Variants in PCDHGB2 observed in about 807,000 individuals in gnomAD.
The protein encoded by PCDHGB2 is protocadherin gamma subfamily B, 2.
PCDHGB2 carries 55 observed loss-of-function variants against 59.3 expected under a neutral mutation model. The observed-to-expected ratio is 0.93, with a 90% CI of 0.75 to 1.16. PCDHGB2 has a LOEUF of 1.16. Among genes scored for constraint, PCDHGB2 ranks in the 50% most tolerant of loss-of-function variants. The pLI is 0.00. For synonymous variants in PCDHGB2, 516 were observed against 512.0 expected, an observed-to-expected ratio of 1.01 and a Z score of -0.11; for missense variants, 1,228 against 1,198.5, an observed-to-expected ratio of 1.02 and a Z score of -0.36.
In PCDHGB2 at chr5:141,485,632, G is replaced by A. The variant is rs1335265010; in HGVS notation, c.2422-9175G>A. On this transcript the variant is annotated intron_variant, in intron 1 of 3. Transcript: ENST00000522605. This position sits in a 1 kb window ranked among gnomAD's most constrained non-coding sequence, Gnocchi z 5.7. ...CAGCTCCTCCAGGACAGCGTTTCCCGTTGGAAAAGGCTCAGGATGCAGATG... is the reference window on the plus strand; with the variant it reads ...CAGCTCCTCCAGGACAGCGTTTCCCATTGGAAAAGGCTCAGGATGCAGATG... 1.2e-6 allele frequency: 2 copies of A among 1,611,766 alleles called. No homozygotes were observed. The highest frequency in any genetic ancestry group is 1.7e-6 in the Non-Finnish European group (2 of 1,178,342).
At chr5:141,371,602 G>A in intron 1 of PCDHGB2, 1 of 1,613,990 alleles carries the variant, frequency 6.2e-7, no homozygotes, top group East Asian at 2.2e-5. Context: ...AACACATACA[G>A]GTTGGTGACA....
intron 1 of PCDHGB2, chr5:141,388,717 C>T (rs544297444): frequency 2.5e-6 from 4 of 1,614,022 alleles, no homozygotes; most frequent in Non-Finnish European, 3.4e-6. Context: ...GCCGAGATTA[C>T]TTTCTCTTTC....
chr5:141,430,944 G>C (rs1417018095), intron 1 of PCDHGB2: 1 of 1,609,214 alleles, frequency 6.2e-7, no homozygotes, highest in Non-Finnish European at 8.5e-7. Flanking sequence ...CTCGCGGAGC[G>C]CGGAGTCCGC....
intron 1 of PCDHGB2, chr5:141,366,795 T>A (rs1054610187): frequency 3.2e-6 from 5 of 1,567,382 alleles, no homozygotes; most frequent in Non-Finnish European, 4.3e-6. Flanking sequence ...CATTTTCATT[T>A]GTTTCCTTTT....
At position 141,486,927 on chromosome 5, in the gene PCDHGB2, G is replaced by A; in HGVS notation, c.2422-7880G>A. ...CCCCAAGCACTGCCTCCATCAGTTG[G>A]TGCTGGCCACCTAATCACAAAGGTG... On this transcript the variant is annotated intron_variant, in intron 1 of 3. Transcript: ENST00000522605. The surrounding 1 kb of genome is among the most constrained non-coding windows in gnomAD (Gnocchi z 5.0). 4 of 1,614,226 alleles carry A rather than the reference G, an allele frequency of 2.5e-6. No individual in the cohort carries two copies. Among genetic ancestry groups the A allele is most frequent in the Non-Finnish European group, 3.4e-6 (4 of 1,180,046 alleles).
chr5:141,434,026 A>G (rs2154556044), intron 1 of PCDHGB2, among the ~76,000 whole-genome samples: 1 of 152,236 alleles, frequency 6.6e-6, no homozygotes, highest in Admixed American at 6.5e-5. Flanking sequence ...TGATTCTGGA[A>G]GCATGGTTTT....
chr5:141,475,708 C>G (rs2099367415), intron 1 of PCDHGB2, among the ~76,000 whole-genome samples: 1 of 152,238 alleles, frequency 6.6e-6, no homozygotes, highest in African/African-American at 2.4e-5. Flanking sequence ...AACGGCTAGC[C>G]TCACAGCCCC....
intron 1 of PCDHGB2, chr5:141,441,674 CT>C: frequency 3.4e-6 from 1 of 293,692 alleles, no homozygotes; most frequent in Non-Finnish European, 6.7e-6. Flanking sequence ...CACAGTGCGC[CT>C]TCGACCAAGA....
chr5:141,388,892 A>G (rs1370408221), intron 1 of PCDHGB2: 1 of 1,613,996 alleles, frequency 6.2e-7, no homozygotes, highest in Non-Finnish European at 8.5e-7. Context: ...TAGAAGTCAT[A>G]GATGAAAATG....
At chr5:141,505,044 C>G (rs1446394128) in intron 2 of PCDHGB2, among the ~76,000 whole-genome samples, 3 of 152,156 alleles carry the variant, frequency 2.0e-5, no homozygotes, top group African/African-American at 7.2e-5. Context: ...TGCCTGTCAT[C>G]CCAGCTACTT....
At chr5:141,365,445 A>G (rs774993961) in intron 1 of PCDHGB2, 3 of 1,613,936 alleles carry the variant, frequency 1.9e-6, no homozygotes, top group Non-Finnish European at 2.5e-6. Flanking sequence ...TTTAGCGTAC[A>G]TGATGGTGAT....
At chr5:141,427,400 A>T in intron 1 of PCDHGB2, 1 of 461,200 alleles carries the variant, frequency 2.2e-6, no homozygotes, top group Non-Finnish European at 4.3e-6. Context: ...CACATGATAA[A>T]GATTCGAGAG....
At chr5:141,406,332 G>A (rs957923011) in intron 1 of PCDHGB2, among the ~76,000 whole-genome samples, 4 of 152,142 alleles carry the variant, frequency 2.6e-5, no homozygotes, top group East Asian at 1.9e-4. Context: ...TTACTCCTAC[G>A]ATCATTTATT....
intron 1 of PCDHGB2, among the ~76,000 whole-genome samples, chr5:141,439,050 A>G (rs1353548752): frequency 1.3e-5 from 2 of 151,164 alleles, no homozygotes; most frequent in Non-Finnish European, 2.9e-5. Flanking sequence ...TAAGATTTCC[A>G]TATTGTGTGG....
In PCDHGB2 at chr5:141,490,490, C is replaced by A. The variant is rs886264588; in HGVS notation, c.2422-4317C>A. The A allele has an allele frequency of 1.2e-6, 2 of 1,614,184 alleles. No individual in the cohort carries two copies. Among genetic ancestry groups the A allele is most frequent in the Non-Finnish European group, 1.7e-6 (2 of 1,180,028 alleles). ...AGCCAGCCTTTGGACCGGGAGGCCA[C>A]ATCCCACTATATCATCGAGCTGCTG... On this transcript the variant is annotated intron_variant, in intron 1 of 3. Transcript: ENST00000522605. The surrounding 1 kb of genome is among the most constrained non-coding windows in gnomAD (Gnocchi z 5.4).
chr5:141,394,749 G>A (rs1270810324), intron 1 of PCDHGB2: 2 of 1,613,424 alleles, frequency 1.2e-6, no homozygotes, highest in Non-Finnish European at 8.5e-7. Flanking sequence ...CGTGGTGGCC[G>A]TCCAGGACCA....
intron 1 of PCDHGB2, chr5:141,371,721 C>A: frequency 6.2e-7 from 1 of 1,614,084 alleles, no homozygotes; most frequent in Non-Finnish European, 8.5e-7. Flanking sequence ...TCTGCACATC[C>A]TTGATGTCAA....
intron 1 of PCDHGB2, among the ~76,000 whole-genome samples, chr5:141,463,380 A>G (rs994170903): frequency 2.0e-5 from 3 of 149,876 alleles, no homozygotes; most frequent in Admixed American, 6.7e-5. Context: ...ACAGTCTGAA[A>G]GTTGTCTCCA....
At chr5:141,387,570 A>T (rs1490079513) in intron 1 of PCDHGB2, 4 of 455,052 alleles carry the variant, frequency 8.8e-6, no homozygotes, top group Non-Finnish European at 1.2e-5. Flanking sequence ...CACAATTATA[A>T]TTATTGCACT....
Sources: allele counts gnomAD v4.1 joint callset (sites outside exome capture counted in the v4.1 genomes callset), GRCh38; gene constraint gnomAD v4.1.1; non-coding constraint Gnocchi (gnomAD v3.1); transcripts MANE v1.5; gene names NCBI Gene and HGNC (gene_info 2026-07-23, HGNC 2026-07-21).